Variants in RNF180 observed in about 807,000 individuals in gnomAD.
The protein encoded by RNF180 is E3 ubiquitin-protein ligase RNF180.
In RNF180, 38 loss-of-function variants were observed where a neutral mutation model predicts 59.2. The ratio of observed to expected loss-of-function variants is 0.64; its 90% CI spans 0.50 to 0.84. The LOEUF (loss-of-function observed/expected upper bound fraction) is 0.84, where lower values mean the gene tolerates loss of function less well. RNF180 is among the 40% of genes least tolerant of loss of function. The pLI is 0.00. For synonymous variants in RNF180, 262 were observed against 240.3 expected, an observed-to-expected ratio of 1.09 and a Z score of -0.84; for missense variants, 705 against 700.9, an observed-to-expected ratio of 1.01 and a Z score of -0.07.
At chr5:64,290,043 C>T (rs1373808457) in intron 5 of RNF180, among the ~76,000 whole-genome samples, 1 of 152,142 alleles carries the variant, frequency 6.6e-6, no homozygotes, top group East Asian at 1.9e-4. Context: ...TCCCTCTTAA[C>T]ACGGCTTTAT....
chr5:64,336,799 AT>A (rs1745144916), intron 7 of RNF180, among the ~76,000 whole-genome samples: 1 of 151,806 alleles, frequency 6.6e-6, no homozygotes, highest in Admixed American at 6.6e-5. Context: ...CTAGATATTA[AT>A]TTTTTATTTA....
chr5:64,285,578 G>A (rs1047209819), intron 5 of RNF180, among the ~76,000 whole-genome samples: 3 of 152,122 alleles, frequency 2.0e-5, no homozygotes, highest in Non-Finnish European at 4.4e-5. Context: ...ATGGTTAGGT[G>A]CACTCTGCCA....
chr5:64,351,258 A>G (rs956759519), intron 7 of RNF180, among the ~76,000 whole-genome samples: 3 of 152,108 alleles, frequency 2.0e-5, no homozygotes, highest in Non-Finnish European at 4.4e-5. Context: ...TTGATTATGT[A>G]TCCTGAGACT....
Position 64,325,288 on chromosome 5 carries a change from A to G in RNF180, c.1330A>G (p.Met444Val). 30 of 1,551,448 alleles carry G rather than the reference A, an allele frequency of 1.9e-5. No homozygotes were observed. Among genetic ancestry groups the G allele is most frequent in the Non-Finnish European group, 2.5e-5 (29 of 1,146,800 alleles). Residue 444 changes from methionine to valine, a missense_variant, in exon 6 of 8, where the codon ATG (methionine) becomes GTG (valine). Met to Val is a conservative substitution (Grantham distance 21). Coordinates refer to ENST00000389100, the MANE Select transcript of RNF180 (RefSeq NM_001113561.2). ...VCLDVYFNPY[M>V]CYPCHHIFCE... is the part of the protein sequence containing the mutation. ...TCTGGACGTTTATTTCAACCCTTAT[A>G]TGTGTTACCCTTGCCATCACATCTT...
At chr5:64,318,545 T>C (rs980133514) in intron 5 of RNF180, among the ~76,000 whole-genome samples, 4 of 152,168 alleles carry the variant, frequency 2.6e-5, no homozygotes, top group African/African-American at 7.2e-5. Flanking sequence ...GGAACTATTA[T>C]ATACACACAT....
Position 64,369,697 on chromosome 5 carries a change from T to C in RNF180, c.1662T>C (p.Asp554=). ...AHRMDYLHFE[D]DSRGWWFDMD... ...GGATGGATTACCTGCACTTTGAGGA[T>C]GATAGCCGTGGATGGTGGTTTGACA... The change falls in exon 8 of 8, where the codon GAT becomes GAC. Residue 554 remains aspartate (D), a synonymous_variant. Transcript: ENST00000389100. 6.5e-7 allele frequency: 1 copy of C among 1,548,364 alleles called. No homozygotes were observed. Among genetic ancestry groups the C allele is most frequent in the African/African-American group, 1.4e-5 (1 of 72,898 alleles).
chr5:64,187,724 ACTGT>A (rs1335261568), intron 1 of RNF180, among the ~76,000 whole-genome samples: 1 of 152,206 alleles, frequency 6.6e-6, no homozygotes, highest in African/African-American at 2.4e-5. Flanking sequence ...CAGATTACAA[ACTGT>A]CTTTCACCAA....
Position 64,213,944 on chromosome 5 carries a change from A to C in RNF180, c.618A>C (p.Lys206Asn), listed in dbSNP as rs755706499. Reference sequence around the variant, plus strand: ...TGCTGTCCAAAGCATCAGAACCAAAATACCAGCTTTTTGTTCCCCAGCTTG... The same window carrying C: ...TGCTGTCCAAAGCATCAGAACCAAACTACCAGCTTTTTGTTCCCCAGCTTG... ...EKLLSKASEP[K>N]YQLFVPQLVT... Residue 206 changes from lysine to asparagine, a missense_variant, in exon 4 of 8, where the codon AAA (lysine) becomes AAC (asparagine). Transcript: ENST00000389100. 1.9e-6 allele frequency: 3 copies of C among 1,614,006 alleles called. No homozygotes were observed. Among genetic ancestry groups the C allele is most frequent in the Admixed American group, 3.3e-5 (2 of 59,948 alleles).
At chr5:64,222,722 A>G (rs1220869247) in intron 5 of RNF180, among the ~76,000 whole-genome samples, 3 of 152,216 alleles carry the variant, frequency 2.0e-5, no homozygotes, top group African/African-American at 7.2e-5. Context: ...GTGAGTCACT[A>G]TTATCAATTA....
At chr5:64,177,704 A>G (rs1216768324) in intron 1 of RNF180, among the ~76,000 whole-genome samples, 2 of 151,932 alleles carry the variant, frequency 1.3e-5, no homozygotes, top group Non-Finnish European at 2.9e-5. Flanking sequence ...TAGTAATGTT[A>G]GTCAGTGTTC....
intron 1 of RNF180, among the ~76,000 whole-genome samples, chr5:64,196,726 A>G (rs1369597899): frequency 6.6e-6 from 1 of 151,994 alleles, no homozygotes; most frequent in Non-Finnish European, 1.5e-5. Context: ...GTCTAGTTTT[A>G]TATTTCCTTG....
At chr5:64,192,897 TG>T (rs1407987743) in intron 1 of RNF180, among the ~76,000 whole-genome samples, 3 of 69,390 alleles carry the variant, frequency 4.3e-5, no homozygotes, top group African/African-American at 1.8e-4. Flanking sequence ...GCAGAAAGTG[TG>T]GCATGTATAT....
intron 5 of RNF180, among the ~76,000 whole-genome samples, chr5:64,252,902 CCACCAT>C (rs2112282772): frequency 6.6e-6 from 1 of 152,084 alleles, no homozygotes; most frequent in Non-Finnish European, 1.5e-5. Context: ...GAACCATTCA[CCACCAT>C]CACCATCACC....
intron 5 of RNF180, among the ~76,000 whole-genome samples, chr5:64,226,668 A>C (rs1741779526): frequency 6.6e-6 from 1 of 151,920 alleles, no homozygotes; most frequent in Non-Finnish European, 1.5e-5. Context: ...TAAATACTAA[A>C]AAAAAAAAAA....
intron 5 of RNF180, among the ~76,000 whole-genome samples, chr5:64,272,042 T>C (rs1245636973): frequency 2.6e-5 from 4 of 152,042 alleles, no homozygotes; most frequent in African/African-American, 9.7e-5. Flanking sequence ...TATTGTAACT[T>C]CTCTTTCATT....
intron 5 of RNF180, among the ~76,000 whole-genome samples, chr5:64,264,957 T>C (rs1028711919): frequency 7.9e-5 from 12 of 152,240 alleles, no homozygotes; most frequent in Non-Finnish European, 1.5e-4. Flanking sequence ...GTGGTTTTGA[T>C]TTGCATTTCT....
intron 5 of RNF180, among the ~76,000 whole-genome samples, chr5:64,239,135 T>C (rs1742630023): frequency 6.6e-6 from 1 of 152,296 alleles, no homozygotes; most frequent in South Asian, 2.1e-4. Context: ...TTTTGACCCA[T>C]GTATATGGTT....
intron 7 of RNF180, among the ~76,000 whole-genome samples, chr5:64,352,833 A>G (rs1023761926): frequency 3.3e-5 from 5 of 152,136 alleles, no homozygotes; most frequent in Non-Finnish European, 1.5e-5. Flanking sequence ...CAGTACTGTC[A>G]TAGATACATA....
chr5:64,224,795 G>A (rs1340896547), intron 5 of RNF180, among the ~76,000 whole-genome samples: 1 of 152,176 alleles, frequency 6.6e-6, no homozygotes, highest in African/African-American at 2.4e-5. Flanking sequence ...TTCACAGATG[G>A]GGCCTTTAAA....
Sources: gnomAD v4.1 joint callset for allele counts (sites outside exome capture counted in the v4.1 genomes callset) on GRCh38, gnomAD v4.1.1 for gene constraint, MANE v1.5 for transcripts, NCBI Gene and HGNC (gene_info 2026-07-23, HGNC 2026-07-21) for gene names.